The following LOXL3 variants were observed in gnomAD, a reference collection of about 807,000 sequenced individuals.
LOXL3 encodes lysyl oxidase like 3, also known as lysyl oxidase homolog 3.
LOXL3 carries 60 observed loss-of-function variants against 91.8 expected under a neutral mutation model. That is an observed-to-expected ratio of 0.65 (90% CI 0.53 to 0.81). The LOEUF (loss-of-function observed/expected upper bound fraction) is 0.81, where lower values mean the gene tolerates loss of function less well. Ranked by LOEUF, LOXL3 falls within the 30% of genes least tolerant of loss-of-function variation. The pLI, the probability that LOXL3 is intolerant of heterozygous loss-of-function variation, is 0.00. For missense variants in LOXL3, 874 were observed against 1,000.4 expected (o/e 0.87, Z 1.70); for synonymous variants, 355 against 387.6 (o/e 0.92, Z 0.99).
intron 4 of LOXL3, chr2:74,548,895 T>C (rs1290722838): frequency 6.6e-6 from 1 of 150,746 alleles, no homozygotes; most frequent in African/African-American, 2.4e-5. Flanking sequence ...ACTGGCGCGG[T>C]CTCTCCTGGC....
chr2:74,554,744 C>G (rs13416172), upstream of LOXL3: 12,241 of 1,613,018 alleles, frequency 7.6e-3, 272 homozygotes, highest in African/African-American at 0.072. This position sits in a 1 kb window ranked among gnomAD's most constrained non-coding sequence, Gnocchi z 4.9. Context: ...CGGAAGGAAC[C>G]GCCGGGGGCC....
At chr2:74,540,107 A>C (rs1437526756) in intron 4 of LOXL3, among the ~76,000 whole-genome samples, 1 of 152,096 alleles carries the variant, frequency 6.6e-6, no homozygotes, top group African/African-American at 2.4e-5. Flanking sequence ...TTGGCCTCCC[A>C]AAGTGTTGGG....
At chr2:74,540,226 G>T (rs1676247184) in intron 4 of LOXL3, among the ~76,000 whole-genome samples, 1 of 152,170 alleles carries the variant, frequency 6.6e-6, no homozygotes, top group Admixed American at 6.5e-5. Context: ...CGTGGACTCA[G>T]GACGGTGCCC....
chr2:74,553,340 C>T (rs751266050), intron 1 of LOXL3, among the ~76,000 whole-genome samples: 1 of 152,212 alleles, frequency 6.6e-6, no homozygotes, highest in Admixed American at 6.5e-5. Context: ...ACCTGCTGCA[C>T]GCCCTCCCCA....
Position 74,549,758 on chromosome 2 carries a change from A to G in LOXL3, c.478-175T>C. 1.4e-6 allele frequency: 2 copies of G among 1,433,380 alleles called. No homozygotes were observed. Among genetic ancestry groups the G allele is most frequent in the Non-Finnish European group, 1.8e-6 (2 of 1,094,582 alleles). 88.8% of individuals were successfully genotyped at this position (1,433,380 alleles called of 1,614,324 possible). ...CAGTCCGCGGTGTGGACTCTCTTGC[A>G]GCCAGCAGCGCGTGGGATGTGCTGT... On this transcript the variant is annotated intron_variant, in intron 3 of 13. Transcript: ENST00000264094. This position sits in a 1 kb window ranked among gnomAD's most constrained non-coding sequence, Gnocchi z 5.3.
intron 4 of LOXL3, among the ~76,000 whole-genome samples, chr2:74,539,145 G>C (rs1676178000): frequency 6.6e-6 from 1 of 152,158 alleles, no homozygotes; most frequent in East Asian, 1.9e-4. Context: ...CTCGGGGTTT[G>C]GGTTTGACTT....
At chr2:74,538,313 G>A (rs922929765) in intron 4 of LOXL3, among the ~76,000 whole-genome samples, 1 of 152,118 alleles carries the variant, frequency 6.6e-6, no homozygotes, top group Non-Finnish European at 1.5e-5. Context: ...AAGCTAGAAG[G>A]GCACTACAAG....
chr2:74,541,078 C>T (rs960160277), intron 4 of LOXL3, among the ~76,000 whole-genome samples: 15 of 152,228 alleles, frequency 9.9e-5, no homozygotes, highest in African/African-American at 3.6e-4. Flanking sequence ...GTAGATTCAA[C>T]CTCCATCTGT....
At chr2:74,553,943 CAA>C (rs113018584), upstream of LOXL3, 345 of 130,932 alleles carry the variant, frequency 2.6e-3, 4 homozygotes, top group African/African-American at 9.0e-3. Context: ...CTAGGACTTC[CAA>C]AAAAAAAAAA....
intron 4 of LOXL3, among the ~76,000 whole-genome samples, chr2:74,540,664 CTTTT>C (rs562377307): frequency 7.2e-6 from 1 of 138,656 alleles, no homozygotes; most frequent in Admixed American, 7.2e-5. Context: ...ATAATTTTTC[CTTTT>C]TTTTTTTTTT....
Position 74,535,170 on chromosome 2 carries a change from C to T in LOXL3, c.1579+122G>A. ...GGGATTACAGGCGTGAGCCACTGCA[C>T]CCGGCGAAACTGGCTCTTTTATGGG... On this transcript the variant is annotated intron_variant, in intron 9 of 13. Transcript: ENST00000264094. This position sits in a 1 kb window ranked among gnomAD's most constrained non-coding sequence, Gnocchi z 4.2. 8.7e-7 allele frequency: 1 copy of T among 1,144,350 alleles called. No homozygotes were observed. Among genetic ancestry groups the T allele is most frequent in the Non-Finnish European group, 1.2e-6 (1 of 822,670 alleles). 70.9% of individuals were successfully genotyped at this position (1,144,350 alleles called of 1,614,324 possible).
In LOXL3 at chr2:74,536,429, G is replaced by A. The variant is rs1474992303; in HGVS notation, c.955C>T (p.Arg319Trp). The change falls in exon 6 of 14, where the codon CGG (arginine) becomes TGG (tryptophan). Residue 319 changes from arginine (R) to tryptophan (W), a missense_variant. By Grantham distance (101) the Arg-to-Trp change is moderately radical. Coordinates refer to ENST00000264094, the MANE Select transcript of LOXL3 (RefSeq NM_032603.5). This position sits in a 1 kb window ranked among gnomAD's most constrained non-coding sequence, Gnocchi z 4.5. Reference sequence around the variant, plus strand: ...GTGCTGGCCTTCAGGACTTCTACCCGGCCCTCTCCAGGGTGGGCGCCGCCC... The same window carrying A: ...GTGCTGGCCTTCAGGACTTCTACCCAGCCCTCTCCAGGGTGGGCGCCGCCC... ...LKGGAHPGEG[R>W]VEVLKASTWG... 4.3e-6 allele frequency: 7 copies of A among 1,613,930 alleles called. No individual in the cohort carries two copies. Among genetic ancestry groups the A allele is most frequent in the East Asian group, 4.5e-5 (2 of 44,894 alleles).
At position 74,534,448 on chromosome 2, in the gene LOXL3, ACTTCTGTTTC is replaced by A. The variant is rs1192841320; in HGVS notation, c.1824-27_1824-18del. ...TGGTAATGCCTGTGGGGAGAAGGGA[ACTTCTGTTTC>A]CTTCTCTGCCCCCAGAAGGTTTGCC... is the stretch of plus-strand genomic sequence containing the variant. On this transcript the variant is annotated intron_variant, in intron 10 of 13. Coordinates refer to ENST00000264094, the MANE Select transcript of LOXL3 (RefSeq NM_032603.5). 6.2e-7 allele frequency: 1 copy of A among 1,613,828 alleles called. No homozygotes were observed. Among genetic ancestry groups the A allele is most frequent in the Admixed American group, 1.7e-5 (1 of 60,014 alleles).
chr2:74,536,547 G>A lies in LOXL3; in HGVS notation c.913-76C>T. 7.3e-6 allele frequency: 11 copies of A among 1,510,318 alleles called. No homozygotes were observed. Among genetic ancestry groups the A allele is most frequent in the Non-Finnish European group, 8.1e-6 (9 of 1,113,262 alleles). The allele number at this position is 1,510,318 out of a possible 1,614,324, so 93.6% of individuals were successfully genotyped here. A position where few individuals can be genotyped will look rare whatever the true frequency, so the allele number is the denominator to read the frequency against. On this transcript the variant is annotated intron_variant, in intron 5 of 13. Coordinates refer to ENST00000264094, the MANE Select transcript of LOXL3 (RefSeq NM_032603.5). This position sits in a 1 kb window ranked among gnomAD's most constrained non-coding sequence, Gnocchi z 4.5. ...AGGGCTAAGCAGACCTGGGAGATGAGTGAGACTTTGGTGGAAGGGAGTGGG... is the reference window on the plus strand; with the variant it reads ...AGGGCTAAGCAGACCTGGGAGATGAATGAGACTTTGGTGGAAGGGAGTGGG...
chr2:74,548,268 T>G (rs1241681952), intron 4 of LOXL3, among the ~76,000 whole-genome samples: 1 of 152,238 alleles, frequency 6.6e-6, no homozygotes, highest in African/African-American at 2.4e-5. Context: ...TTATGGCTTC[T>G]AAATTATGTA....
chr2:74,551,493 C>A (rs941557565), intron 2 of LOXL3, among the ~76,000 whole-genome samples: 2 of 152,260 alleles, frequency 1.3e-5, no homozygotes, highest in Non-Finnish European at 1.5e-5. Flanking sequence ...ACTGTCCTTC[C>A]CATATTTAAA....
chr2:74,550,174 G>A lies in LOXL3; in HGVS notation c.477+11C>T, dbSNP rs541494283. Reference sequence around the variant, plus strand: ...GGGTAGTGTGTGTGTGTATGTCTAGGAAATGCAGACCTCAATGACATTGGA... The same window carrying A: ...GGGTAGTGTGTGTGTGTATGTCTAGAAAATGCAGACCTCAATGACATTGGA... On this transcript the variant is annotated intron_variant, in intron 3 of 13. Transcript: ENST00000264094. 9.9e-6 allele frequency: 16 copies of A among 1,611,044 alleles called. No individual in the cohort carries two copies. In the South Asian group the frequency reaches 1.8e-4, roughly 18 times the overall value.
At position 74,550,226 on chromosome 2, in the gene LOXL3, C is replaced by T. The variant is rs760294558; in HGVS notation, c.436G>A (p.Asp146Asn). The change falls in exon 3 of 14, where the codon GAC becomes AAC. Residue 146 changes from aspartate to asparagine, a missense_variant. By Grantham distance (23) the Asp-to-Asn change is conservative. Coordinates refer to ENST00000264094, the MANE Select transcript of LOXL3 (RefSeq NM_032603.5). The stretch of plus-strand genomic sequence containing the variant: ...TCCGAGAAGCCAGGGAGGCGCTGGT[C>T]TTTGCAGATGACCCCAGCATCCTCA... ...HDEDAGVICK[D>N]QRLPGFSDSN... The T allele has an allele frequency of 6.2e-6, 10 of 1,614,176 alleles. No individual in the cohort carries two copies. In the African/African-American group the frequency reaches 1.3e-4, roughly 22 times the overall value.
In LOXL3 at chr2:74,534,710, G is replaced by A; in HGVS notation, c.1644C>T (p.Pro548=). The A allele has an allele frequency of 6.2e-7, 1 of 1,614,166 alleles. No individual in the cohort carries two copies. The highest frequency in any genetic ancestry group is 8.5e-7 in the Non-Finnish European group (1 of 1,180,022). Residue 548 remains proline (P), a synonymous_variant, in exon 10 of 14, where the codon CCC becomes CCT. Coordinates refer to ENST00000264094, the MANE Select transcript of LOXL3 (RefSeq NM_032603.5). ...CCGCAGCACAGTACAACATATGCAG[G>A]GGCCGGTCTTCGATGTAGGCGGTCT... ...VQETAYIEDR[P]LHMLYCAAEE... is the part of the protein sequence containing the mutation.
Sources: gnomAD v4.1 joint callset for allele counts (sites outside exome capture counted in the v4.1 genomes callset) on GRCh38, gnomAD v4.1.1 for gene constraint, Gnocchi (gnomAD v3.1) non-coding constraint, MANE v1.5 for transcripts, NCBI Gene and HGNC (gene_info 2026-07-23, HGNC 2026-07-21) for gene names.